Variants in ADAMTS2 observed in about 807,000 individuals in gnomAD.
The protein encoded by ADAMTS2 is ADAM metallopeptidase with thrombospondin type 1 motif 2.
Under a neutral mutation model 123.0 loss-of-function variants are expected in ADAMTS2, and 50 were observed. That is an observed-to-expected ratio of 0.41 (90% CI 0.32 to 0.51). ADAMTS2 has a LOEUF of 0.51. Ranked by LOEUF, ADAMTS2 falls within the 20% of genes least tolerant of loss-of-function variation. The probability of loss-of-function intolerance (pLI) is 0.35; values close to 1 mark genes in which losing one functional copy is unlikely to be tolerated. For synonymous variants in ADAMTS2, 678 were observed against 695.4 expected, an observed-to-expected ratio of 0.98 and a Z score of 0.39; for missense variants, 1,494 against 1,705.2, an observed-to-expected ratio of 0.88 and a Z score of 2.18.
rs1581267520 is a variant in ADAMTS2, at chr5:179,314,312, A to G, written c.534+29455T>C. 6.6e-6 allele frequency among the ~76,000 whole-genome samples: 1 copy of G among 152,270 alleles called. No individual in the cohort carries two copies. The highest frequency in any genetic ancestry group is 1.9e-4 in the East Asian group (1 of 5,174). ...GCCATCTGGGGCTTGGCTGGGCCTC[A>G]GCCTCCTGGCTGCCACGTCTCACTG... On this transcript the variant is annotated intron_variant, in intron 2 of 21. Transcript: ENST00000251582. The surrounding 1 kb of genome is among the most constrained non-coding windows in gnomAD (Gnocchi z 4.5).
intron 2 of ADAMTS2, among the ~76,000 whole-genome samples, chr5:179,329,847 C>T (rs1200963181): frequency 6.6e-6 from 1 of 152,178 alleles, no homozygotes. Flanking sequence ...AAGTTTCAGG[C>T]CGGGCGTGGT....
intron 3 of ADAMTS2, among the ~76,000 whole-genome samples, chr5:179,210,762 C>A (rs918605584): frequency 6.6e-6 from 1 of 152,246 alleles, no homozygotes; most frequent in Admixed American, 6.5e-5. Flanking sequence ...GCCCAGCCCC[C>A]CTCCTGTCCT....
intron 19 of ADAMTS2, 39 bp from the exon 20 acceptor site, chr5:179,122,812 C>T (rs1486501332): frequency 6.4e-7 from 1 of 1,551,084 alleles, no homozygotes; most frequent in Non-Finnish European, 8.7e-7. Context: ...TCACCTCCCA[C>T]ACAGGGCCCG....
rs549957948 is a variant in ADAMTS2 at position 179,335,952 on chromosome 5, A to C, written c.534+7815T>G. ...CAAACCTTGTCGTTTAGGGGTTTTC[A>C]AAGGAAAAATACCCGGGTGTAAAGA... On this transcript the variant is annotated intron_variant, in intron 2 of 21. Coordinates refer to ENST00000251582, the MANE Select transcript of ADAMTS2 (RefSeq NM_014244.5). 2.6e-5 allele frequency among the ~76,000 whole-genome samples: 4 copies of C among 152,346 alleles called. No homozygotes were observed. The South Asian group carries it at 8.3e-4, about 32-fold the overall frequency.
At chr5:179,135,140 C>T (rs1278612476) in intron 13 of ADAMTS2, among the ~76,000 whole-genome samples, 3 of 140,090 alleles carry the variant, frequency 2.1e-5, no homozygotes, top group Admixed American at 7.1e-5. Flanking sequence ...TCCCAGCTCC[C>T]GGCTCCAGCC....
rs990611919 is a variant in ADAMTS2, at chr5:179,117,990, A to T, written c.3179-3666T>A. Among the ~76,000 whole-genome samples the T allele has an allele frequency of 6.6e-6, 1 of 152,168 alleles. No individual in the cohort carries two copies. The highest frequency in any genetic ancestry group is 1.5e-5 in the Non-Finnish European group (1 of 68,028). The stretch of plus-strand genomic sequence containing the variant: ...TGGGTCAAGTGCACGCCTAGGTCAG[A>T]GCCATGCACGAGAAAGTGCTCCATA... On this transcript the variant is annotated intron_variant, in intron 21 of 21. Coordinates refer to ENST00000251582, the MANE Select transcript of ADAMTS2 (RefSeq NM_014244.5). The surrounding 1 kb of genome is among the most constrained non-coding windows in gnomAD (Gnocchi z 4.2).
chr5:179,266,016 G>A (rs1049879436), intron 3 of ADAMTS2, among the ~76,000 whole-genome samples: 3 of 152,230 alleles, frequency 2.0e-5, no homozygotes, highest in African/African-American at 7.2e-5. Flanking sequence ...GGGTATGAGA[G>A]AGAGCACCTA....
Position 179,303,730 on chromosome 5 carries a change from G to A in ADAMTS2, c.535-30666C>T, listed in dbSNP as rs1474700458. ...AAAACTCTAAGAGGGGAGCCTGGCTGTGTAGCTGGAAGTGCTGTGGTCCTA... is the reference window on the plus strand; with the variant it reads ...AAAACTCTAAGAGGGGAGCCTGGCTATGTAGCTGGAAGTGCTGTGGTCCTA... On this transcript the variant is annotated intron_variant, in intron 2 of 21. Transcript: ENST00000251582. This position sits in a 1 kb window ranked among gnomAD's most constrained non-coding sequence, Gnocchi z 4.7. Among the ~76,000 whole-genome samples, 2 of 152,248 alleles carry A rather than the reference G, an allele frequency of 1.3e-5. No homozygotes were observed. Among genetic ancestry groups the A allele is most frequent in the Non-Finnish European group, 2.9e-5 (2 of 68,054 alleles).
At chr5:179,190,446 T>C (rs929038374) in intron 4 of ADAMTS2, among the ~76,000 whole-genome samples, 12 of 146,138 alleles carry the variant, frequency 8.2e-5, no homozygotes, top group Non-Finnish European at 1.8e-4. Context: ...AGACACAGCG[T>C]CCGAATAAAA....
rs1763603737 is a variant in ADAMTS2, at chr5:179,162,195, C to G, written c.976-3316G>C. On this transcript the variant is annotated intron_variant, in intron 5 of 21. Coordinates refer to ENST00000251582, the MANE Select transcript of ADAMTS2 (RefSeq NM_014244.5). The surrounding 1 kb of genome is among the most constrained non-coding windows in gnomAD (Gnocchi z 5.1). Reference sequence around the variant, plus strand: ...GTGGGTTGCGGTGACTTCTGCCTGCCCTTGTTTCCCTTTCGTGAAACTTCC... The same window carrying G: ...GTGGGTTGCGGTGACTTCTGCCTGCGCTTGTTTCCCTTTCGTGAAACTTCC... Among the ~76,000 whole-genome samples the G allele has an allele frequency of 6.6e-6, 1 of 152,210 alleles. No individual in the cohort carries two copies. Among genetic ancestry groups the G allele is most frequent in the African/African-American group, 2.4e-5 (1 of 41,448 alleles).
chr5:179,295,375 CAGA>C, intron 2 of ADAMTS2, among the ~76,000 whole-genome samples: 1 of 152,276 alleles, frequency 6.6e-6, no homozygotes, highest in East Asian at 1.9e-4. Flanking sequence ...GGGAGAGAGA[CAGA>C]AGGTTTTATT....
At chr5:179,176,255 C>G (rs932493496) in intron 5 of ADAMTS2, among the ~76,000 whole-genome samples, 1 of 152,138 alleles carries the variant, frequency 6.6e-6, no homozygotes, top group Admixed American at 6.5e-5. Flanking sequence ...GGGGCCGTCA[C>G]GCCCTTGCCC....
At chr5:179,273,625 G>A (rs1225483759) in intron 2 of ADAMTS2, among the ~76,000 whole-genome samples, 2 of 152,068 alleles carry the variant, frequency 1.3e-5, no homozygotes, top group African/African-American at 4.8e-5. Flanking sequence ...AGCTTTCCTT[G>A]GAAACGCAGG....
intron 4 of ADAMTS2, 87 bp downstream of exon 4, chr5:179,207,426 G>T: frequency 1.4e-6 from 2 of 1,400,630 alleles, no homozygotes; most frequent in Non-Finnish European, 2.0e-6. Flanking sequence ...AGCCTCAGGG[G>T]ACCTGGCCCA....
chr5:179,183,205 C>T (rs992103900), intron 4 of ADAMTS2, among the ~76,000 whole-genome samples: 2 of 152,220 alleles, frequency 1.3e-5, no homozygotes, highest in African/African-American at 2.4e-5. Flanking sequence ...CACGCTGGCA[C>T]AGTAGCCTTA....
intron 15 of ADAMTS2, among the ~76,000 whole-genome samples, chr5:179,131,348 A>G (rs1762958522): frequency 1.3e-5 from 2 of 150,586 alleles, no homozygotes; most frequent in South Asian, 4.2e-4. Flanking sequence ...AAGAAAAATG[A>G]GTATCAAGAG....
chr5:179,327,984 C>G (rs1000526448), intron 2 of ADAMTS2, among the ~76,000 whole-genome samples: 2 of 152,150 alleles, frequency 1.3e-5, no homozygotes, highest in African/African-American at 4.8e-5. Flanking sequence ...ACTCATATAT[C>G]TGGGAACGCA....
At position 179,345,368 on chromosome 5, in the gene ADAMTS2, G is replaced by A; in HGVS notation, c.-40C>T. Reference sequence around the variant, plus strand: ...AGCCGGGGCCCCGCACTCGCAGCCGGCGCGAAAGTTCCCCGCGAGCCGCCC... The same window carrying A: ...AGCCGGGGCCCCGCACTCGCAGCCGACGCGAAAGTTCCCCGCGAGCCGCCC... On this transcript the variant is annotated 5_prime_UTR_variant, in exon 1 of 22. Coordinates refer to ENST00000251582, the MANE Select transcript of ADAMTS2 (RefSeq NM_014244.5). This position sits in a 1 kb window ranked among gnomAD's most constrained non-coding sequence, Gnocchi z 7.5. 8.9e-7 allele frequency: 1 copy of A among 1,123,014 alleles called. No individual in the cohort carries two copies. The highest frequency in any genetic ancestry group is 1.1e-6 in the Non-Finnish European group (1 of 918,150). 69.6% of individuals were successfully genotyped at this position (1,123,014 alleles called of 1,614,324 possible).
intron 3 of ADAMTS2, among the ~76,000 whole-genome samples, chr5:179,222,445 C>A (rs1316262478): frequency 6.6e-6 from 1 of 152,208 alleles, no homozygotes; most frequent in East Asian, 1.9e-4. Flanking sequence ...CCAGGGCCAC[C>A]CTGAGAACCA....
Sources: allele counts gnomAD v4.1 joint callset (sites outside exome capture counted in the v4.1 genomes callset), GRCh38; gene constraint gnomAD v4.1.1; non-coding constraint Gnocchi (gnomAD v3.1); transcripts MANE v1.5; gene names NCBI Gene and HGNC (gene_info 2026-07-23, HGNC 2026-07-21).